Variants in MTUS1 observed in about 807,000 individuals in gnomAD.
The protein encoded by MTUS1 is microtubule associated scaffold protein 1.
In MTUS1, 109 loss-of-function variants were observed where a neutral mutation model predicts 120.8. The ratio of observed to expected loss-of-function variants is 0.90; its 90% CI spans 0.77 to 1.06. MTUS1 has a LOEUF of 1.06. Ranked by LOEUF, MTUS1 falls within the 50% of genes least tolerant of loss-of-function variation. MTUS1 has a pLI of 0.00. For synonymous variants in MTUS1, 737 were observed against 550.5 expected, an observed-to-expected ratio of 1.34 and a Z score of -4.74; for missense variants, 2,210 against 1,486.3, an observed-to-expected ratio of 1.49 and a Z score of -8.01.
Position 17,754,157 on chromosome 8 carries a change from T to C in MTUS1, c.1651A>G (p.Thr551Ala), listed in dbSNP as rs773434240. The change falls in exon 2 of 15, where the codon ACA (threonine) becomes GCA (alanine). Residue 551 changes from threonine to alanine, a missense_variant. Transcript: ENST00000693296. ...SPSSVNSRQQ[T>A]VLSRTPRSDL... ...GATCTCGGTGTTCTGCTCAAGACTG[T>C]TTGTTGTCTTGAATTCACTGATGAG... The C allele has an allele frequency of 6.2e-7, 1 of 1,612,862 alleles. No homozygotes were observed. Among genetic ancestry groups the C allele is most frequent in the African/African-American group, 1.3e-5 (1 of 74,656 alleles).
chr8:17,667,833 C>T (rs1196265787), intron 8 of MTUS1, among the ~76,000 whole-genome samples: 1 of 152,078 alleles, frequency 6.6e-6, no homozygotes. Context: ...TTTATAAATA[C>T]AATGCAGAGA....
chr8:17,648,737 T>C (rs902263735), intron 13 of MTUS1, among the ~76,000 whole-genome samples: 1 of 151,900 alleles, frequency 6.6e-6, no homozygotes, highest in Non-Finnish European at 1.5e-5. Flanking sequence ...AGCAGAGAGG[T>C]CCCCCATGTC....
chr8:17,696,249 C>T (rs1443146473), intron 6 of MTUS1, among the ~76,000 whole-genome samples: 2 of 151,750 alleles, frequency 1.3e-5, no homozygotes, highest in South Asian at 2.1e-4. Context: ...TTATGAAACA[C>T]GAGAGAGAGG....
intron 7 of MTUS1, among the ~76,000 whole-genome samples, chr8:17,680,262 A>T (rs1171726644): frequency 6.6e-6 from 1 of 151,892 alleles, no homozygotes; most frequent in Admixed American, 6.6e-5. Context: ...TGAGGACTTT[A>T]AGACCAGCCT....
rs564991038 is a variant in MTUS1, at chr8:17,774,147, G to A, written c.-154-18186C>T. ...TTAAAGCTCGTTTTCCTAGATAAAC[G>A]CTACTAACAGCATTTCTCTCTTAAT... On this transcript the variant is annotated intron_variant, in intron 1 of 14. Transcript: ENST00000693296. Among the ~76,000 whole-genome samples, 3 of 152,190 alleles carry A rather than the reference G, an allele frequency of 2.0e-5. No individual in the cohort carries two copies. The East Asian group carries it at 5.8e-4, about 29-fold the overall frequency.
chr8:17,703,740 G>C (rs563379339), intron 6 of MTUS1, among the ~76,000 whole-genome samples: 1 of 152,100 alleles, frequency 6.6e-6, no homozygotes, highest in Non-Finnish European at 1.5e-5. Flanking sequence ...TTTGAGGTCA[G>C]ACCGGTTCTC....
chr8:17,666,091 T>C (rs1191399478), intron 8 of MTUS1, among the ~76,000 whole-genome samples: 1 of 1,762 alleles, frequency 5.7e-4, no homozygotes, highest in Non-Finnish European at 1.5e-3. Context: ...GAACAGATGC[T>C]TTTTTTTTTT....
Position 17,681,382 on chromosome 8 carries a change from C to T in MTUS1, c.2838+2946G>A, listed in dbSNP as rs537763228. ...GTAATGATACGTGAACAATGGATGA[C>T]GTACAGGAAGTTTACAGGACATTTT... is the stretch of plus-strand genomic sequence containing the variant. On this transcript the variant is annotated intron_variant, in intron 7 of 14. Coordinates refer to ENST00000693296, the MANE Select transcript of MTUS1 (RefSeq NM_001363059.2). 3.9e-5 allele frequency among the ~76,000 whole-genome samples: 6 copies of T among 152,264 alleles called. No individual in the cohort carries two copies. The East Asian group carries it at 9.6e-4, about 24-fold the overall frequency.
At chr8:17,749,737 C>T (rs117465385) in intron 2 of MTUS1, among the ~76,000 whole-genome samples, 1,706 of 151,972 alleles carry the variant, frequency 0.011, 13 homozygotes, top group Non-Finnish European at 0.018. Context: ...GCCTCCACTT[C>T]CAGTTGTCTC....
chr8:17,777,924 T>C lies in MTUS1; in HGVS notation c.-154-21963A>G, dbSNP rs978687630. On this transcript the variant is annotated intron_variant, in intron 1 of 14. Coordinates refer to ENST00000693296, the MANE Select transcript of MTUS1 (RefSeq NM_001363059.2). ...ATAAAATGCAACTATTTATAAATTA[T>C]GCAGTTTACAAAACTAGGAAAAATA... Among the ~76,000 whole-genome samples the C allele has an allele frequency of 4.5e-4, 69 of 152,364 alleles. 1 individual carries two copies. Among genetic ancestry groups the C allele is most frequent in the Admixed American group, 2.0e-3 (31 of 15,294 alleles).
At chr8:17,760,793 A>T (rs1441595375) in intron 1 of MTUS1, among the ~76,000 whole-genome samples, 2 of 139,434 alleles carry the variant, frequency 1.4e-5, no homozygotes, top group African/African-American at 2.6e-5. Context: ...AAAGACAGAG[A>T]GTGTGCTGGA....
At chr8:17,701,406 C>A (rs1486366759) in intron 6 of MTUS1, among the ~76,000 whole-genome samples, 3 of 152,144 alleles carry the variant, frequency 2.0e-5, no homozygotes, top group Admixed American at 2.0e-4. Context: ...CTTCCACCCA[C>A]CTGTAAGATG....
intron 1 of MTUS1, among the ~76,000 whole-genome samples, chr8:17,794,709 T>C (rs576107583): frequency 6.6e-6 from 1 of 152,240 alleles, no homozygotes; most frequent in Non-Finnish European, 1.5e-5. Context: ...ATTAACAGTA[T>C]AGCAGTTTAC....
At chr8:17,750,691 G>T (rs1213067567) in intron 2 of MTUS1, among the ~76,000 whole-genome samples, 2 of 152,130 alleles carry the variant, frequency 1.3e-5, no homozygotes, top group Admixed American at 1.3e-4. Flanking sequence ...GCACCTGAGC[G>T]TTACAGGGCC....
At chr8:17,781,102 G>C (rs1024891202) in intron 1 of MTUS1, 1 of 152,186 alleles carries the variant, frequency 6.6e-6, no homozygotes, top group African/African-American at 2.4e-5. Flanking sequence ...AGGAATAAGA[G>C]TGTGCCTGTT....
intron 6 of MTUS1, among the ~76,000 whole-genome samples, chr8:17,694,450 G>A (rs539945530): frequency 1.1e-4 from 16 of 152,308 alleles, no homozygotes; most frequent in African/African-American, 3.8e-4. Flanking sequence ...CGAATTGCCT[G>A]AGGTCAGGAG....
intron 6 of MTUS1, among the ~76,000 whole-genome samples, chr8:17,709,899 C>T (rs1002627987): frequency 2.0e-5 from 3 of 151,388 alleles, no homozygotes; most frequent in Middle Eastern, 3.2e-3. Flanking sequence ...CCCAGCTACT[C>T]GGGAGGCTGA....
chr8:17,661,296 G>T (rs1255586822), intron 8 of MTUS1, among the ~76,000 whole-genome samples: 2 of 152,112 alleles, frequency 1.3e-5, no homozygotes, highest in Non-Finnish European at 2.9e-5. Context: ...GTTTCACGCA[G>T]GCTTTTCACT....
intron 1 of MTUS1, among the ~76,000 whole-genome samples, chr8:17,765,704 ACACAC>A (rs2131407508): frequency 6.6e-6 from 1 of 150,968 alleles, no homozygotes; most frequent in South Asian, 2.1e-4. Flanking sequence ...ACACACACAC[ACACAC>A]ACACACACAA....
Sources: gnomAD v4.1 joint callset for allele counts (sites outside exome capture counted in the v4.1 genomes callset) on GRCh38, gnomAD v4.1.1 for gene constraint, MANE v1.5 for transcripts, NCBI Gene and HGNC (gene_info 2026-07-23, HGNC 2026-07-21) for gene names.